The following NTNG2 variants were observed in gnomAD, a reference collection of about 807,000 sequenced individuals.
NTNG2 encodes netrin-G2.
A neutral mutation model predicts 47.6 loss-of-function variants in NTNG2; 15 were observed. The observed-to-expected ratio is 0.32, with a 90% confidence interval of 0.21 to 0.49. NTNG2 has a LOEUF of 0.49. Among genes scored for constraint, NTNG2 ranks in the 20% least tolerant of loss-of-function variants. NTNG2 has a pLI of 0.99. For missense variants in NTNG2, 578 were observed against 764.6 expected (o/e 0.76, Z 2.88); for synonymous variants, 307 against 324.6 (o/e 0.95, Z 0.58).
rs765511616 is a variant in NTNG2, at chr9:132,197,196, C to G, written c.214-770C>G. 5.3e-5 allele frequency among the ~76,000 whole-genome samples: 8 copies of G among 152,188 alleles called. No homozygotes were observed. Among genetic ancestry groups the G allele is most frequent in the Non-Finnish European group, 1.2e-4 (8 of 68,044 alleles). On this transcript the variant is annotated intron_variant, in intron 2 of 7. Coordinates refer to ENST00000393229, the MANE Select transcript of NTNG2 (RefSeq NM_032536.4). The surrounding 1 kb of genome is among the most constrained non-coding windows in gnomAD (Gnocchi z 4.3). ...ACGGAGGTCAGAGTTCGAGACCAGC[C>G]TGGCCAACATGGCGAAACCCTGTCT...
At chr9:132,239,732 G>T (rs142385233) in intron 6 of NTNG2, among the ~76,000 whole-genome samples, 2 of 152,244 alleles carry the variant, frequency 1.3e-5, no homozygotes, top group Non-Finnish European at 1.5e-5. Context: ...CCAAAAGATC[G>T]CCTTGCTGCG....
intron 2 of NTNG2, among the ~76,000 whole-genome samples, chr9:132,192,349 G>A (rs1210408137): frequency 6.6e-6 from 1 of 152,226 alleles, no homozygotes; most frequent in Non-Finnish European, 1.5e-5. Context: ...CCAGCACTTT[G>A]GGAGGCCGAG....
chr9:132,204,456 G>A (rs958498919), intron 3 of NTNG2, among the ~76,000 whole-genome samples: 26 of 152,174 alleles, frequency 1.7e-4, no homozygotes, highest in Admixed American at 1.4e-3. Flanking sequence ...GTGGGCAGGT[G>A]GGCGCGGGGA....
At chr9:132,196,873 G>A (rs901054574) in intron 2 of NTNG2, among the ~76,000 whole-genome samples, 9 of 152,190 alleles carry the variant, frequency 5.9e-5, no homozygotes, top group Non-Finnish European at 1.3e-4. Flanking sequence ...CTGTCCAATT[G>A]GCTGTAAATT....
intron 2 of NTNG2, among the ~76,000 whole-genome samples, chr9:132,172,538 T>A (rs1836002439): frequency 6.6e-6 from 1 of 152,166 alleles, no homozygotes; most frequent in Admixed American, 6.5e-5. Flanking sequence ...TAACTTTAGA[T>A]GTCTGCTTTT....
chr9:132,233,281 A>ACATGCACACACACACATG (rs1490184235), intron 5 of NTNG2: 1 of 152,370 alleles, frequency 6.6e-6, no homozygotes, highest in African/African-American at 2.4e-5. Flanking sequence ...GCAAGTGCAC[A>ACATGCACACACACACATG]CATGCACACA....
chr9:132,230,501 C>T (rs926141804), intron 4 of NTNG2, 71 bp from the exon 5 acceptor site: 15 of 1,460,102 alleles, frequency 1.0e-5, no homozygotes, highest in African/African-American at 1.4e-5. Context: ...CCTGCTGGCC[C>T]CTCTGCAGGG....
intron 2 of NTNG2, among the ~76,000 whole-genome samples, chr9:132,175,074 G>A (rs1319437813): frequency 6.6e-6 from 1 of 152,074 alleles, no homozygotes. Flanking sequence ...TCAGGAGAGT[G>A]AGGATGTGGG....
intron 2 of NTNG2, among the ~76,000 whole-genome samples, chr9:132,174,255 GA>G (rs1836219310): frequency 1.4e-5 from 2 of 146,530 alleles, no homozygotes; most frequent in Admixed American, 1.3e-4. Context: ...TGCTGTGGAT[GA>G]GATGGATGGA....
intron 3 of NTNG2, among the ~76,000 whole-genome samples, chr9:132,212,028 G>A (rs1839628308): frequency 6.6e-6 from 1 of 152,208 alleles, no homozygotes; most frequent in South Asian, 2.1e-4. Context: ...GAAAGAGACT[G>A]GAATATAGGC....
At chr9:132,212,332 G>T (rs974066089) in intron 3 of NTNG2, among the ~76,000 whole-genome samples, 1 of 152,138 alleles carries the variant, frequency 6.6e-6, no homozygotes, top group Non-Finnish European at 1.5e-5. Context: ...CCCAGCACCC[G>T]CCCGTCAGCC....
intron 2 of NTNG2, among the ~76,000 whole-genome samples, chr9:132,179,680 G>A (rs1836782029): frequency 6.6e-6 from 1 of 152,244 alleles, no homozygotes; most frequent in East Asian, 1.9e-4. Context: ...CACCCCATGT[G>A]TGCAGCTTTT....
rs1841608689 is a variant in NTNG2 at position 132,236,130 on chromosome 9, A to G, written c.1055-2974A>G. On this transcript the variant is annotated intron_variant, in intron 5 of 7. Coordinates refer to ENST00000393229, the MANE Select transcript of NTNG2 (RefSeq NM_032536.4). The surrounding 1 kb of genome is among the most constrained non-coding windows in gnomAD (Gnocchi z 4.3). ...GGCAGTTGCTGGATCAGAGAGTCAG[A>G]GGGGGCTTCCTGCAGGAGCGGGGGC... is the stretch of plus-strand genomic sequence containing the variant. Among the ~76,000 whole-genome samples, 1 of 152,156 alleles carries G rather than the reference A, an allele frequency of 6.6e-6. No individual in the cohort carries two copies. The highest frequency in any genetic ancestry group is 2.1e-4 in the South Asian group (1 of 4,836).
At chr9:132,199,141 G>A (rs1422981445) in intron 3 of NTNG2, among the ~76,000 whole-genome samples, 1 of 152,124 alleles carries the variant, frequency 6.6e-6, no homozygotes, top group South Asian at 2.1e-4. Context: ...TCGGAGGAAG[G>A]AAGTGCATGT....
intron 3 of NTNG2, among the ~76,000 whole-genome samples, chr9:132,219,300 C>T (rs1024669395): frequency 2.0e-5 from 3 of 151,680 alleles, no homozygotes; most frequent in Admixed American, 1.3e-4. Context: ...TGGCTGGGCA[C>T]GGTGCTTCAT....
In NTNG2 at chr9:132,162,555, TGAGA is replaced by T. The variant is rs1554775835; in HGVS notation, c.-484+323_-484+326del. On this transcript the variant is annotated intron_variant, in intron 1 of 7. Transcript: ENST00000393229. The surrounding 1 kb of genome is among the most constrained non-coding windows in gnomAD (Gnocchi z 4.6). ...GTGAGAGTGTGTGTGTGTGTGTGTG[TGAGA>T]GAGAGACAGAGTGTGTGTGTGTGTG... 1.4e-5 allele frequency among the ~76,000 whole-genome samples: 2 copies of T among 139,472 alleles called. No individual in the cohort carries two copies. The highest frequency in any genetic ancestry group is 1.4e-4 in the Admixed American group (2 of 14,178). 91.5% of individuals were successfully genotyped at this position (139,472 alleles called of 152,430 possible). A position where few individuals can be genotyped will look rare whatever the true frequency, so the allele number is the denominator to read the frequency against.
rs1485000686 is a variant in NTNG2, at chr9:132,162,623, A to C, written c.-484+384A>C. Among the ~76,000 whole-genome samples the C allele has an allele frequency of 1.1e-5, 1 of 92,576 alleles. No individual in the cohort carries two copies. Among genetic ancestry groups the C allele is most frequent in the Admixed American group, 1.2e-4 (1 of 8,258 alleles). 60.7% of individuals were successfully genotyped at this position (92,576 alleles called of 152,430 possible). A position where few individuals can be genotyped will look rare whatever the true frequency, so the allele number is the denominator to read the frequency against. On this transcript the variant is annotated intron_variant, in intron 1 of 7. Coordinates refer to ENST00000393229, the MANE Select transcript of NTNG2 (RefSeq NM_032536.4). This position sits in a 1 kb window ranked among gnomAD's most constrained non-coding sequence, Gnocchi z 4.6. ...GTGTGTGTGTGTGTGTGTGTCGGGG[A>C]GGGATGTTGCAAGGATGCTCGGATG...
intron 4 of NTNG2, among the ~76,000 whole-genome samples, chr9:132,227,372 C>T (rs1840854162): frequency 6.6e-6 from 1 of 152,224 alleles, no homozygotes; most frequent in African/African-American, 2.4e-5. Flanking sequence ...CACAGGGAAA[C>T]CCGAGAGGAG....
chr9:132,229,287 C>T (rs563538104), intron 4 of NTNG2, among the ~76,000 whole-genome samples: 58 of 152,270 alleles, frequency 3.8e-4, no homozygotes, highest in African/African-American at 1.3e-3. Flanking sequence ...CTGCCCCTAC[C>T]GTGACCCCTC....
Sources: gnomAD v4.1 joint callset for allele counts (sites outside exome capture counted in the v4.1 genomes callset) on GRCh38, gnomAD v4.1.1 for gene constraint, Gnocchi (gnomAD v3.1) non-coding constraint, MANE v1.5 for transcripts, NCBI Gene and HGNC (gene_info 2026-07-23, HGNC 2026-07-21) for gene names.